Variants in MAD1L1 observed in about 807,000 individuals in gnomAD.
The protein encoded by MAD1L1 is mitotic spindle assembly checkpoint protein MAD1.
A neutral mutation model predicts 96.9 loss-of-function variants in MAD1L1; 95 were observed. That is an observed-to-expected ratio of 0.98 (90% CI 0.83 to 1.16). The LOEUF (loss-of-function observed/expected upper bound fraction) is 1.16. MAD1L1 is among the 50% of genes most tolerant of loss of function. MAD1L1 has a pLI of 0.00. For missense variants in MAD1L1, 1,007 were observed against 954.4 expected (o/e 1.06, Z -0.73); for synonymous variants, 473 against 396.6 (o/e 1.19, Z -2.29).
Position 1,936,817 on chromosome 7 carries a change from C to A in MAD1L1, c.1677G>T (p.Glu559Asp). 1.2e-6 allele frequency: 2 copies of A among 1,600,510 alleles called. No individual in the cohort carries two copies. The highest frequency in any genetic ancestry group is 2.3e-5 in the East Asian group (1 of 44,252). The change falls in exon 17 of 19, where the codon GAG becomes GAT. Residue 559 changes from glutamate (E) to aspartate (D), a missense_variant. Glu to Asp is a conservative substitution (Grantham distance 45). Coordinates refer to ENST00000265854, the MANE Select transcript of MAD1L1 (RefSeq NM_001013836.2). The part of the protein sequence containing the change: ...PTSVARQRLR[E>D]DHSQLQAECE... The stretch of plus-strand genomic sequence containing the variant: ...ACTCCGCCTGCAGCTGGCTGTGGTC[C>A]TCGCGCAGGCGCTGCCTGGCCACAC...
chr7:1,956,942 G>T (rs901179375), intron 16 of MAD1L1, among the ~76,000 whole-genome samples: 14 of 152,228 alleles, frequency 9.2e-5, no homozygotes, highest in Non-Finnish European at 2.1e-4. Context: ...AGCAAGCAAC[G>T]TGGGCACCAA....
intron 18 of MAD1L1, among the ~76,000 whole-genome samples, chr7:1,863,159 C>A (rs564986170): frequency 4.5e-4 from 69 of 152,386 alleles, no homozygotes; most frequent in African/African-American, 1.7e-3. Flanking sequence ...TCTGAGCGCA[C>A]GAGGAGGCCG....
chr7:1,838,246 C>T (rs1292296464), intron 18 of MAD1L1, among the ~76,000 whole-genome samples: 1 of 152,156 alleles, frequency 6.6e-6, no homozygotes, highest in African/African-American at 2.4e-5. Context: ...CTGGGGAGGA[C>T]GGGGAGAAGC....
chr7:2,204,667 C>A (rs1319074736), intron 10 of MAD1L1, among the ~76,000 whole-genome samples: 1 of 152,290 alleles, frequency 6.6e-6, no homozygotes, highest in South Asian at 2.1e-4. Flanking sequence ...GGAGACGCCA[C>A]GGTCCACGTA....
At chr7:1,947,516 C>T (rs1328431171) in intron 16 of MAD1L1, among the ~76,000 whole-genome samples, 9 of 152,242 alleles carry the variant, frequency 5.9e-5, no homozygotes. Flanking sequence ...CCTGTTGGGC[C>T]AGGGCATTGC....
Position 2,012,068 on chromosome 7 carries a change from C to G in MAD1L1, c.1359+2434G>C, listed in dbSNP as rs118033249. Among the ~76,000 whole-genome samples the G allele has an allele frequency of 1.4e-3, 216 of 152,330 alleles. 1 individual carries two copies. The Middle Eastern group carries it at 0.031, about 22-fold the overall frequency. On this transcript the variant is annotated intron_variant, in intron 13 of 18. Coordinates refer to ENST00000265854, the MANE Select transcript of MAD1L1 (RefSeq NM_001013836.2). ...GGAGACAGACAGGAAGGGGAGTAAC[C>G]TGCCCCCACACCCCACCATGGGAAG...
chr7:2,220,109 G>A (rs1315546270), intron 5 of MAD1L1, among the ~76,000 whole-genome samples: 3 of 152,206 alleles, frequency 2.0e-5, no homozygotes, highest in Non-Finnish European at 4.4e-5. Context: ...TAGCGACATC[G>A]CCCTCACACC....
chr7:2,201,437 C>T (rs1270630573), intron 10 of MAD1L1, among the ~76,000 whole-genome samples: 3 of 152,142 alleles, frequency 2.0e-5, no homozygotes. Flanking sequence ...AAGGAGGGGA[C>T]AGCACGCAAC....
At chr7:2,168,012 T>A (rs904249413) in intron 10 of MAD1L1, among the ~76,000 whole-genome samples, 12 of 152,132 alleles carry the variant, frequency 7.9e-5, no homozygotes, top group African/African-American at 2.7e-4. Context: ...TGGACGGGCA[T>A]GGTGGCTCAC....
At chr7:2,084,452 G>A (rs745813705) in intron 11 of MAD1L1, among the ~76,000 whole-genome samples, 23 of 152,356 alleles carry the variant, frequency 1.5e-4, no homozygotes, top group Admixed American at 8.5e-4. Context: ...AAGGCCCTGC[G>A]CCCACGCAGA....
intron 12 of MAD1L1, among the ~76,000 whole-genome samples, chr7:2,032,528 C>T (rs1306386772): frequency 6.6e-6 from 1 of 152,238 alleles, no homozygotes; most frequent in East Asian, 1.9e-4. Context: ...CATCAGGGTC[C>T]TTCCTCAACT....
intron 18 of MAD1L1, chr7:1,838,537 G>A (rs1562441903): frequency 5.9e-6 from 2 of 341,716 alleles, no homozygotes; most frequent in South Asian, 2.4e-5. Flanking sequence ...CAATGTGAGC[G>A]AACCGTGAAA....
At chr7:1,907,999 G>A (rs866615135) in intron 17 of MAD1L1, among the ~76,000 whole-genome samples, 23 of 152,222 alleles carry the variant, frequency 1.5e-4, no homozygotes, top group African/African-American at 4.1e-4. Flanking sequence ...TCAGGAGTCC[G>A]GCCAGGGCCA....
intron 10 of MAD1L1, among the ~76,000 whole-genome samples, chr7:2,200,747 C>T (rs551909803): frequency 6.6e-6 from 1 of 152,336 alleles, no homozygotes; most frequent in East Asian, 1.9e-4. Context: ...GGACCGCCTG[C>T]TTCATGCACA....
chr7:2,174,715 C>T (rs1458864383), intron 10 of MAD1L1, among the ~76,000 whole-genome samples: 2 of 152,154 alleles, frequency 1.3e-5, no homozygotes, highest in South Asian at 4.1e-4. Context: ...GAATGTGCTT[C>T]TTCCAGAGGA....
intron 10 of MAD1L1, chr7:2,209,854 C>G (rs570348684): frequency 1.3e-5 from 2 of 152,534 alleles, no homozygotes; most frequent in Admixed American, 1.3e-4. Flanking sequence ...AGGGGATCCC[C>G]AAGCTCGCCC....
intron 18 of MAD1L1, among the ~76,000 whole-genome samples, chr7:1,831,801 G>A (rs1782715758): frequency 6.6e-6 from 1 of 152,214 alleles, no homozygotes; most frequent in African/African-American, 2.4e-5. Flanking sequence ...AAGCCTGGAT[G>A]ACAGCACATC....
intron 17 of MAD1L1, among the ~76,000 whole-genome samples, chr7:1,923,760 T>C (rs1441474174): frequency 3.3e-5 from 5 of 152,238 alleles, no homozygotes; most frequent in African/African-American, 9.6e-5. Flanking sequence ...AAGTGCTGGG[T>C]GCTCAGAGTG....
At chr7:1,835,361 C>G (rs1275971661) in intron 18 of MAD1L1, among the ~76,000 whole-genome samples, 1 of 152,142 alleles carries the variant, frequency 6.6e-6, no homozygotes, top group Admixed American at 6.5e-5. Context: ...CCAGTGTGGG[C>G]AAGTGGAAGT....
Sources: allele counts gnomAD v4.1 joint callset (sites outside exome capture counted in the v4.1 genomes callset), GRCh38; gene constraint gnomAD v4.1.1; transcripts MANE v1.5; gene names NCBI Gene and HGNC (gene_info 2026-07-23, HGNC 2026-07-21).